Variants in PLCB1 observed in about 807,000 individuals in gnomAD.
PLCB1 encodes phospholipase C beta 1.
In PLCB1, 46 loss-of-function variants were observed where a neutral mutation model predicts 161.8. That is an observed-to-expected ratio of 0.28 (90% confidence interval 0.22 to 0.36). PLCB1 has a LOEUF of 0.36. PLCB1 is among the 10% of genes least tolerant of loss of function. The pLI is 1.00. For missense variants in PLCB1, 1,016 were observed against 1,472.5 expected, an observed-to-expected ratio of 0.69 and a Z score of 5.07; for synonymous variants, 517 against 503.7, an observed-to-expected ratio of 1.03 and a Z score of -0.35.
chr20:8,860,128 G>T (rs1041867591), intron 31 of PLCB1, among the ~76,000 whole-genome samples: 2 of 152,174 alleles, frequency 1.3e-5, no homozygotes, highest in Non-Finnish European at 2.9e-5. Context: ...TTACTCCAGC[G>T]AATAATGGGA....
intron 7 of PLCB1, 102 bp from the exon 8 acceptor site, chr20:8,657,082 G>A (rs1989481879): frequency 2.8e-6 from 2 of 719,634 alleles, no homozygotes; most frequent in African/African-American, 1.8e-5. Context: ...GGGAAGGGGG[G>A]AAGAAAAGAA....
chr20:8,574,367 C>A (rs915785539), intron 3 of PLCB1, among the ~76,000 whole-genome samples: 2 of 152,118 alleles, frequency 1.3e-5, no homozygotes, highest in African/African-American at 4.8e-5. Context: ...CCACTGCACT[C>A]CAGCCTGGGT....
chr20:8,345,266 T>C (rs1429289796), intron 2 of PLCB1, among the ~76,000 whole-genome samples: 1 of 152,148 alleles, frequency 6.6e-6, no homozygotes, highest in African/African-American at 2.4e-5. Context: ...TTTTACTGTT[T>C]ATTCTTTTTT....
chr20:8,409,320 G>T (rs1297110374), intron 3 of PLCB1, among the ~76,000 whole-genome samples: 1 of 152,052 alleles, frequency 6.6e-6, no homozygotes, highest in Admixed American at 6.6e-5. Flanking sequence ...TTTTCTATGG[G>T]GGACTATATT....
chr20:8,765,091 G>A, intron 25 of PLCB1, 48 bp from the exon 26 acceptor site: 1 of 1,432,720 alleles, frequency 7.0e-7, no homozygotes. Context: ...TTTCCATCTG[G>A]ATGTTCAGCC....
intron 4 of PLCB1, among the ~76,000 whole-genome samples, chr20:8,628,941 AAAAT>A (rs1555777853): frequency 1.3e-5 from 2 of 151,916 alleles, no homozygotes; most frequent in Non-Finnish European, 2.9e-5. Flanking sequence ...TCAAAAAAAA[AAAAT>A]AAATAAATAA....
chr20:8,315,419 G>A (rs1202296793), intron 2 of PLCB1, among the ~76,000 whole-genome samples: 2 of 152,156 alleles, frequency 1.3e-5, no homozygotes, highest in African/African-American at 2.4e-5. Context: ...GGGAAATCTT[G>A]TTAACCCTAG....
At chr20:8,261,323 T>TGTTA (rs540611621) in intron 2 of PLCB1, among the ~76,000 whole-genome samples, 94 of 152,260 alleles carry the variant, frequency 6.2e-4, no homozygotes, top group Middle Eastern at 3.4e-3. Context: ...CATATTGACA[T>TGTTA]GTTACTACTT....
chr20:8,713,257 C>T (rs958424921), intron 12 of PLCB1, among the ~76,000 whole-genome samples: 4 of 152,106 alleles, frequency 2.6e-5, no homozygotes, highest in Non-Finnish European at 1.5e-5. Context: ...GGTGCAATCT[C>T]GGCTTACTGC....
chr20:8,188,299 A>G (rs943115280), intron 2 of PLCB1, among the ~76,000 whole-genome samples: 2 of 152,120 alleles, frequency 1.3e-5, no homozygotes, highest in African/African-American at 4.8e-5. Context: ...AGCAAGTTAC[A>G]TGGCCAAGCC....
chr20:8,191,125 C>T lies in PLCB1; in HGVS notation c.177+40754C>T, dbSNP rs115900783. On this transcript the variant is annotated intron_variant, in intron 2 of 31. Transcript: ENST00000338037. Reference sequence around the variant, plus strand: ...GTAACTTTTACTTTTGACATAATTTCTTATTTTTTATTTTTTATTTTTTAA... The same window carrying T: ...GTAACTTTTACTTTTGACATAATTTTTTATTTTTTATTTTTTATTTTTTAA... 5.7e-3 allele frequency among the ~76,000 whole-genome samples: 869 copies of T among 151,786 alleles called. 16 individuals are homozygous for T. Among genetic ancestry groups the T allele is most frequent in the African/African-American group, 0.02 (839 of 41,450 alleles).
chr20:8,315,655 G>A (rs1321244953), intron 2 of PLCB1, among the ~76,000 whole-genome samples: 1 of 152,158 alleles, frequency 6.6e-6, no homozygotes, highest in Non-Finnish European at 1.5e-5. Context: ...CTCTTAGTCT[G>A]TAATTTTGTC....
chr20:8,715,111 T>C (rs1979233780), intron 12 of PLCB1, among the ~76,000 whole-genome samples: 1 of 152,222 alleles, frequency 6.6e-6, no homozygotes. Context: ...TGTATTATCA[T>C]TGCAGCATGT....
At chr20:8,414,038 T>C (rs146424356) in intron 3 of PLCB1, among the ~76,000 whole-genome samples, 1 of 152,280 alleles carries the variant, frequency 6.6e-6, no homozygotes, top group Non-Finnish European at 1.5e-5. Context: ...AAGTATTATA[T>C]TTCTAAGGCA....
chr20:8,817,713 GCA>G (rs1985145166), intron 31 of PLCB1, among the ~76,000 whole-genome samples: 1 of 152,092 alleles, frequency 6.6e-6, no homozygotes, highest in South Asian at 2.1e-4. Context: ...CCACATGAAA[GCA>G]ATCACAATGA....
intron 1 of PLCB1, among the ~76,000 whole-genome samples, chr20:8,142,916 C>T (rs1012271202): frequency 2.0e-5 from 3 of 152,150 alleles, no homozygotes; most frequent in African/African-American, 7.2e-5. Context: ...TCCATTATTC[C>T]AGCTGCCCTC....
intron 3 of PLCB1, among the ~76,000 whole-genome samples, chr20:8,563,310 T>A (rs1378857433): frequency 6.6e-6 from 1 of 151,958 alleles, no homozygotes; most frequent in Non-Finnish European, 1.5e-5. Flanking sequence ...AATTAAAAAG[T>A]CTCAGCTGAA....
chr20:8,723,684 T>C (rs965550377), intron 15 of PLCB1, among the ~76,000 whole-genome samples: 1 of 152,132 alleles, frequency 6.6e-6, no homozygotes, highest in Non-Finnish European at 1.5e-5. Flanking sequence ...TATCCTAATT[T>C]TACAAATGAG....
At chr20:8,218,245 T>C (rs1025933869) in intron 2 of PLCB1, among the ~76,000 whole-genome samples, 4 of 152,150 alleles carry the variant, frequency 2.6e-5, no homozygotes, top group Non-Finnish European at 4.4e-5. Context: ...GGCAGTGTTT[T>C]ATCCCCTGGG....
Sources: allele counts gnomAD v4.1 joint callset (sites outside exome capture counted in the v4.1 genomes callset), GRCh38; gene constraint gnomAD v4.1.1; transcripts MANE v1.5; gene names NCBI Gene and HGNC (gene_info 2026-07-23, HGNC 2026-07-21).